FAM227B: variants seen among roughly 807,000 people sequenced by gnomAD.
The protein encoded by FAM227B is family with sequence similarity 227 member B.
FAM227B carries 88 observed loss-of-function variants against 73.8 expected under a neutral mutation model. The ratio of observed to expected loss-of-function variants is 1.19; its 90% CI spans 1.00 to 1.42. FAM227B has a LOEUF of 1.42. FAM227B is among the 40% of genes most tolerant of loss of function. FAM227B has a pLI of 0.00. For missense variants in FAM227B, 632 were observed against 590.9 expected (o/e 1.07, Z -0.72); for synonymous variants, 210 against 190.5 (o/e 1.10, Z -0.84).
At chr15:49,503,339 C>T (rs1283868442) in intron 11 of FAM227B, among the ~76,000 whole-genome samples, 1 of 152,142 alleles carries the variant, frequency 6.6e-6, no homozygotes, top group Non-Finnish European at 1.5e-5. Flanking sequence ...AAAACCTAGG[C>T]AATATCATTC....
Position 49,335,456 on chromosome 15 carries a change from T to C in FAM227B, c.1312A>G (p.Lys438Glu), listed in dbSNP as rs775630744. The C allele has an allele frequency of 4.3e-6, 7 of 1,613,714 alleles. No individual in the cohort carries two copies. Among genetic ancestry groups the C allele is most frequent in the Middle Eastern group, 1.7e-4 (1 of 6,060 alleles). Residue 438 changes from lysine (K) to glutamate (E), a missense_variant, in exon 14 of 16, where the codon AAA (lysine) becomes GAA (glutamate). Physicochemically the swap from Lys to Glu is moderately conservative, Grantham distance 56 (BLOSUM62 1). Coordinates refer to ENST00000299338, the MANE Select transcript of FAM227B (RefSeq NM_152647.3). ...PTYRDVIKEA[K>E]RQFARNQKDF... The stretch of plus-strand genomic sequence containing the variant: ...TTTTGGTTCCTTGCAAATTGTCTTT[T>C]TGCCTCCTTTATAACATCACGGTAT...
chr15:49,551,557 A>C (rs118181429), intron 9 of FAM227B, among the ~76,000 whole-genome samples: 347 of 152,268 alleles, frequency 2.3e-3, no homozygotes, highest in Non-Finnish European at 4.2e-3. Flanking sequence ...CCATTCAGCC[A>C]GTCTTTTAAT....
At chr15:49,496,008 G>A (rs553592523) in intron 11 of FAM227B, among the ~76,000 whole-genome samples, 3 of 152,200 alleles carry the variant, frequency 2.0e-5, no homozygotes, top group Middle Eastern at 3.4e-3. Context: ...GGGTGACAGA[G>A]CGAGACTCTG....
chr15:49,440,625 T>C (rs1014753217), intron 11 of FAM227B, among the ~76,000 whole-genome samples: 5 of 151,760 alleles, frequency 3.3e-5, no homozygotes, highest in African/African-American at 9.7e-5. Flanking sequence ...CTTCTCTTTA[T>C]TGGGTATTAA....
chr15:49,590,115 GTTT>G (rs1327482572), intron 3 of FAM227B, 108 bp from the exon 4 acceptor site: 2 of 629,968 alleles, frequency 3.2e-6, no homozygotes, highest in Non-Finnish European at 5.6e-6. Flanking sequence ...CCACAGCATT[GTTT>G]TTTATCACTT....
At chr15:49,413,869 T>C (rs1198748947) in intron 11 of FAM227B, among the ~76,000 whole-genome samples, 1 of 151,426 alleles carries the variant, frequency 6.6e-6, no homozygotes, top group African/African-American at 2.4e-5. Flanking sequence ...TAGAATGCTC[T>C]ACCTCCACTT....
intron 10 of FAM227B, among the ~76,000 whole-genome samples, chr15:49,510,074 C>A (rs1874616): frequency 0.43 from 65,768 of 151,446 alleles, 14,867 homozygotes; most frequent in East Asian, 0.74. Flanking sequence ...ATAGCACACA[C>A]AAAAAAGGGC....
rs2071095489 is a variant in FAM227B at position 49,541,757 on chromosome 15, G to A, written c.797C>T (p.Ala266Val). The A allele has an allele frequency of 2.6e-6, 4 of 1,541,338 alleles. No homozygotes were observed. The highest frequency in any genetic ancestry group is 3.5e-6 in the Non-Finnish European group (4 of 1,143,572). The change falls in exon 10 of 16, where the codon GCA becomes GTA. Residue 266 changes from alanine (A) to valine (V), a missense_variant. Ala to Val is a moderately conservative substitution (Grantham distance 64, BLOSUM62 0). Transcript: ENST00000299338. The stretch of plus-strand genomic sequence containing the variant: ...AAAGAGGTAACTCGATTCTGGAAAT[G>A]CTTCATGGAACGTTGCATATATGGC... ...AQAIYATFHE[A>V]FPESSYLFND...
intron 13 of FAM227B, among the ~76,000 whole-genome samples, chr15:49,354,963 C>G (rs1016379598): frequency 2.6e-5 from 4 of 151,886 alleles, no homozygotes; most frequent in African/African-American, 9.7e-5. Context: ...CTGGGAGGCA[C>G]CCCCCAGCAG....
intron 11 of FAM227B, among the ~76,000 whole-genome samples, chr15:49,393,365 C>T (rs972053382): frequency 4.6e-5 from 7 of 152,116 alleles, no homozygotes; most frequent in Non-Finnish European, 8.8e-5. Flanking sequence ...GTCTTAATGA[C>T]GTAGTGTCAG....
At chr15:49,478,598 G>A (rs1370286766) in intron 11 of FAM227B, among the ~76,000 whole-genome samples, 3 of 151,980 alleles carry the variant, frequency 2.0e-5, no homozygotes, top group Non-Finnish European at 4.4e-5. Context: ...GCCAAAGAGG[G>A]TATATTTGAT....
chr15:49,431,194 C>T (rs1289392930), intron 11 of FAM227B, among the ~76,000 whole-genome samples: 1 of 151,758 alleles, frequency 6.6e-6, no homozygotes, highest in African/African-American at 2.4e-5. Context: ...TACTAAACAA[C>T]ATCTAACATT....
At chr15:49,360,083 C>T (rs970750319) in intron 13 of FAM227B, among the ~76,000 whole-genome samples, 1 of 104,196 alleles carries the variant, frequency 9.6e-6, no homozygotes, top group African/African-American at 4.0e-5. Context: ...ACTCTGGGGA[C>T]TGTTGTGGGG....
chr15:49,436,336 T>C (rs1275988949), intron 11 of FAM227B, among the ~76,000 whole-genome samples: 1 of 151,632 alleles, frequency 6.6e-6, no homozygotes, highest in East Asian at 1.9e-4. Context: ...GTCCATTGTG[T>C]GATTAACATC....
intron 8 of FAM227B, among the ~76,000 whole-genome samples, chr15:49,569,941 A>T (rs1276995655): frequency 1.3e-5 from 2 of 151,968 alleles, no homozygotes; most frequent in Non-Finnish European, 2.9e-5. Flanking sequence ...AGGTTGTCAC[A>T]AATGTTAGGA....
intron 1 of FAM227B, among the ~76,000 whole-genome samples, chr15:49,617,657 T>C (rs928551012): frequency 2.0e-5 from 3 of 152,212 alleles, no homozygotes; most frequent in Admixed American, 1.3e-4. Flanking sequence ...ATTAGTTTCT[T>C]ATTGCTGCTG....
intron 3 of FAM227B, among the ~76,000 whole-genome samples, chr15:49,603,085 CTT>C (rs3076123): frequency 0.25 from 37,589 of 151,906 alleles, 5,566 homozygotes; most frequent in Non-Finnish European, 0.34. Context: ...TGTGATTCCT[CTT>C]GTTTTACTCT....
chr15:49,394,635 T>A (rs1398352178), intron 11 of FAM227B, among the ~76,000 whole-genome samples: 2 of 152,170 alleles, frequency 1.3e-5, no homozygotes. Flanking sequence ...TATCTTTAAT[T>A]AGGTTTGCGG....
At chr15:49,495,389 T>C (rs1271296661) in intron 11 of FAM227B, among the ~76,000 whole-genome samples, 1 of 152,190 alleles carries the variant, frequency 6.6e-6, no homozygotes, top group East Asian at 1.9e-4. Flanking sequence ...TTCCGGTTCT[T>C]TGGGCTACTC....
Sources: gnomAD v4.1 joint callset for allele counts (sites outside exome capture counted in the v4.1 genomes callset) on GRCh38, gnomAD v4.1.1 for gene constraint, MANE v1.5 for transcripts, NCBI Gene and HGNC (gene_info 2026-07-23, HGNC 2026-07-21) for gene names.